Variants in SLC12A9 observed in about 807,000 individuals in gnomAD.
SLC12A9 encodes solute carrier family 12 member 9.
A neutral mutation model predicts 66.0 loss-of-function variants in SLC12A9; 55 were observed. That is an observed-to-expected ratio of 0.83 (90% confidence interval 0.67 to 1.04). The LOEUF is 1.04. Among genes scored for constraint, SLC12A9 ranks in the 50% least tolerant of loss-of-function variants. SLC12A9 has a pLI of 0.00. For synonymous variants in SLC12A9, 577 were observed against 569.0 expected (o/e 1.01, Z -0.20); for missense variants, 1,061 against 1,241.9 (o/e 0.85, Z 2.19).
At position 100,856,970 on chromosome 7, in the gene SLC12A9, T is replaced by C. The variant is rs1386835980; in HGVS notation, c.551T>C (p.Leu184Pro). The C allele has an allele frequency of 6.2e-7, 1 of 1,613,914 alleles. No individual in the cohort carries two copies. The highest frequency in any genetic ancestry group is 1.1e-5 in the South Asian group (1 of 91,088). Residue 184 changes from leucine (L) to proline (P), a missense_variant, in exon 5 of 14, where the codon CTG (leucine) becomes CCG (proline). Leu to Pro is a moderately conservative substitution (Grantham distance 98, BLOSUM62 -3). Coordinates refer to ENST00000354161, the MANE Select transcript of SLC12A9 (RefSeq NM_020246.4). ...LLGLVGGVCT[L>P]GAGLYARASF... ...GGCCTTGTGGGTGGGGTCTGCACCC[T>C]GGGAGCCGGCCTCTATGCCCGGGCC... is the stretch of plus-strand genomic sequence containing the variant.
intron 1 of SLC12A9, among the ~76,000 whole-genome samples, chr7:100,845,594 C>T (rs1003198509): frequency 6.6e-6 from 1 of 152,146 alleles, no homozygotes; most frequent in African/African-American, 2.4e-5. Flanking sequence ...TGTGATCCAC[C>T]CGCCTCGGCC....
At position 100,847,084 on chromosome 7, in the gene SLC12A9, G is replaced by C. The variant is rs561150782; in HGVS notation, n.229-12801G>C. On this transcript the variant is annotated intron_variant and non_coding_transcript_variant, in intron 1 of 1. Transcript: ENST00000461016. ...CAGGAATTGCTCACTCGAGGAGCTT[G>C]GCTCTTGAGACAAGAGTCTTGCCGA... Among the ~76,000 whole-genome samples, 44 of 152,262 alleles carry C rather than the reference G, an allele frequency of 2.9e-4. No individual in the cohort carries two copies. The East Asian group carries it at 8.3e-3, about 29-fold the overall frequency.
At position 100,827,016 on chromosome 7, in the gene SLC12A9, C is replaced by T; in HGVS notation, n.197C>T. On this transcript the variant is annotated non_coding_transcript_exon_variant, in exon 1 of 2. Coordinates refer to the SLC12A9 transcript ENST00000461016. ...CGGCCAACGAAGCCCAGCAGAGCAG[C>T]ACCCGGAGCTCCATGGCGCCGCCTC... The T allele has an allele frequency of 6.3e-7, 1 of 1,584,702 alleles. No individual in the cohort carries two copies. The highest frequency in any genetic ancestry group is 1.8e-5 in the Admixed American group (1 of 56,912).
At chr7:100,851,164 A>T (rs2116564312), upstream of SLC12A9, among the ~76,000 whole-genome samples, 1 of 152,162 alleles carries the variant, frequency 6.6e-6, no homozygotes, top group East Asian at 1.9e-4. Flanking sequence ...GCTCCTTGCC[A>T]CCTTCTTGGT....
upstream of SLC12A9, among the ~76,000 whole-genome samples, chr7:100,850,970 G>A (rs1038792692): frequency 2.0e-5 from 3 of 151,608 alleles, no homozygotes; most frequent in Non-Finnish European, 2.9e-5. Flanking sequence ...CACCCACCTC[G>A]GCCTCCCAAA....
chr7:100,834,306 G>C (rs999663308), intron 1 of SLC12A9, among the ~76,000 whole-genome samples: 1 of 152,178 alleles, frequency 6.6e-6, no homozygotes, highest in Admixed American at 6.5e-5. Flanking sequence ...GGGTGAACTG[G>C]AGAGGTGAGT....
rs538038121 is a variant in SLC12A9, at chr7:100,828,109, G to C, written n.228+1062G>C. Among the ~76,000 whole-genome samples, 347 of 152,326 alleles carry C rather than the reference G, an allele frequency of 2.3e-3. 6 individuals are homozygous for C. The highest frequency in any genetic ancestry group is 4.0e-4 in the Non-Finnish European group (27 of 68,032). ...CAGTTTGGATAGCCTTGCAGCGAAC[G>C]TTCACACAGTCACCCCATAAACATT... On this transcript the variant is annotated intron_variant and non_coding_transcript_variant, in intron 1 of 1. Transcript: ENST00000461016.
intron 12 of SLC12A9, 144 bp from the exon 13 acceptor site, chr7:100,862,537 C>T (rs1814821795): frequency 2.0e-6 from 2 of 976,946 alleles, no homozygotes; most frequent in Non-Finnish European, 3.0e-6. Context: ...TGAGCCCCGA[C>T]ACCAGCCCCT....
intron 1 of SLC12A9, among the ~76,000 whole-genome samples, chr7:100,827,779 C>T (rs990944912): frequency 1.3e-5 from 2 of 152,148 alleles, no homozygotes; most frequent in Non-Finnish European, 2.9e-5. Context: ...GCGCGCTGTC[C>T]AGGACCGAGC....
Position 100,854,359 on chromosome 7 carries a change from A to G in SLC12A9, c.162A>G (p.Ile54Met). 6.2e-7 allele frequency: 1 copy of G among 1,613,224 alleles called. No homozygotes were observed. The highest frequency in any genetic ancestry group is 8.5e-7 in the Non-Finnish European group (1 of 1,179,760). The change falls in exon 2 of 14, where the codon ATA (isoleucine) becomes ATG (methionine). Residue 54 changes from isoleucine to methionine, a missense_variant. Physicochemically the swap from Ile to Met is conservative, Grantham distance 10 (BLOSUM62 1). Coordinates refer to ENST00000354161, the MANE Select transcript of SLC12A9 (RefSeq NM_020246.4). ...CCACTGTCCTGTCCATGTTCAGCAT[A>G]GTTGTTTTTCTGAGGATTGGTGAGT... ...VVPTVLSMFS[I>M]VVFLRIGFVV...
chr7:100,833,224 C>G (rs539103929), intron 1 of SLC12A9, among the ~76,000 whole-genome samples: 3 of 152,056 alleles, frequency 2.0e-5, no homozygotes, highest in African/African-American at 4.8e-5. Context: ...TGGCTCACAC[C>G]TGTAATCTTA....
intron 13 of SLC12A9, among the ~76,000 whole-genome samples, chr7:100,863,656 G>A (rs899056746): frequency 6.6e-6 from 1 of 152,244 alleles, no homozygotes; most frequent in South Asian, 2.1e-4. Context: ...CGGAGGCTGT[G>A]TGGGGCGGAC....
At chr7:100,851,746 G>A (rs974892793), upstream of SLC12A9, among the ~76,000 whole-genome samples, 12 of 128,538 alleles carry the variant, frequency 9.3e-5, no homozygotes, top group South Asian at 2.8e-4. Flanking sequence ...ACACGAGATC[G>A]CGCCACTGCA....
intron 1 of SLC12A9, among the ~76,000 whole-genome samples, chr7:100,836,515 T>C (rs1304266512): frequency 6.6e-6 from 1 of 152,116 alleles, no homozygotes; most frequent in Non-Finnish European, 1.5e-5. Flanking sequence ...CATCACCCCA[T>C]GCGCCACAGC....
intron 13 of SLC12A9, among the ~76,000 whole-genome samples, chr7:100,863,128 G>T (rs1163135361): frequency 6.7e-6 from 1 of 148,468 alleles, no homozygotes; most frequent in Non-Finnish European, 1.5e-5. Flanking sequence ...ACAGTGGCAC[G>T]ATCTTGGCTC....
At chr7:100,862,660 C>T in intron 12 of SLC12A9, 21 bp from the exon 13 acceptor site, 3 of 1,612,614 alleles carry the variant, frequency 1.9e-6, no homozygotes, top group Non-Finnish European at 2.5e-6. Flanking sequence ...GGCTACCTTC[C>T]TTTCCTTATC....
chr7:100,862,245 C>T (rs1442747038), intron 12 of SLC12A9, among the ~76,000 whole-genome samples: 1 of 152,060 alleles, frequency 6.6e-6, no homozygotes, highest in Non-Finnish European at 1.5e-5. Flanking sequence ...GTGTGAGCCA[C>T]CACGGCCAGA....
At chr7:100,846,614 C>T (rs1813922348) in intron 1 of SLC12A9, among the ~76,000 whole-genome samples, 2 of 151,644 alleles carry the variant, frequency 1.3e-5, no homozygotes, top group Admixed American at 1.3e-4. Context: ...CAAAATGCTT[C>T]AGCACAAGTG....
chr7:100,841,141 C>G (rs1175285113), intron 1 of SLC12A9, among the ~76,000 whole-genome samples: 1 of 151,092 alleles, frequency 6.6e-6, no homozygotes, highest in East Asian at 1.9e-4. Flanking sequence ...AATTGTTGTC[C>G]TGAAATAAAT....
Sources: gnomAD v4.1 joint callset for allele counts (sites outside exome capture counted in the v4.1 genomes callset) on GRCh38, gnomAD v4.1.1 for gene constraint, MANE v1.5 for transcripts, NCBI Gene and HGNC (gene_info 2026-07-23, HGNC 2026-07-21) for gene names.